The following BTBD2 variants were observed in gnomAD, a reference collection of about 807,000 sequenced individuals.
The protein encoded by BTBD2 is BTB/POZ domain-containing protein 2.
BTBD2 carries 15 observed loss-of-function variants against 44.0 expected under a neutral mutation model. The ratio of observed to expected loss-of-function variants is 0.34; its 90% CI spans 0.23 to 0.53. The LOEUF (loss-of-function observed/expected upper bound fraction) is 0.53. BTBD2 is among the 20% of genes least tolerant of loss of function. The pLI is 0.95. For missense variants in BTBD2, 657 were observed against 746.4 expected (o/e 0.88, Z 1.39); for synonymous variants, 443 against 335.9 (o/e 1.32, Z -3.49).
In BTBD2 at chr19:1,990,711, C is replaced by A; in HGVS notation, c.790+6G>T. On this transcript the variant is annotated splice_donor_region_variant and intron_variant, in intron 4 of 8. Transcript: ENST00000255608. ...GATTCCCACACCTGGGCTCCTGGGC[C>A]CTTACCCAGGTCAATGTCGGTGAAG... The A allele has an allele frequency of 6.3e-7, 1 of 1,592,372 alleles. No homozygotes were observed. The highest frequency in any genetic ancestry group is 1.7e-4 in the Middle Eastern group (1 of 5,782).
chr19:2,004,873 G>A (rs1341794788), intron 1 of BTBD2, among the ~76,000 whole-genome samples: 4 of 151,614 alleles, frequency 2.6e-5, no homozygotes, highest in Non-Finnish European at 5.9e-5. Context: ...CCAGGCTGGA[G>A]TGCAGTGGTG....
At chr19:1,992,341 C>G (rs898927432) in intron 3 of BTBD2, among the ~76,000 whole-genome samples, 9 of 152,026 alleles carry the variant, frequency 5.9e-5, no homozygotes, top group African/African-American at 1.9e-4. Flanking sequence ...CTCTGGTGAT[C>G]TGCCTGTCTC....
Position 1,990,137 on chromosome 19 carries a change from G to A in BTBD2, c.855C>T (p.Ala285=), listed in dbSNP as rs748892512. 1.0e-4 allele frequency: 161 copies of A among 1,612,052 alleles called. No individual in the cohort carries two copies. Among genetic ancestry groups the A allele is most frequent in the East Asian group, 1.6e-4 (7 of 44,858 alleles). The change falls in exon 5 of 9, where the codon GCC becomes GCT. Residue 285 remains alanine, a synonymous_variant. Transcript: ENST00000255608. ...ACTCGGCCTCGGACCAGCGGACAAC[G>A]GCATTGAACAGCCGCACCTCACGGA... The part of the protein sequence containing the change: ...LGIREVRLFN[A]VVRWSEAECQ...
intron 3 of BTBD2, chr19:1,991,164 G>A (rs1218180846): frequency 1.7e-5 from 4 of 229,018 alleles, no homozygotes; most frequent in Non-Finnish European, 2.6e-5. Context: ...CCAGGACCCC[G>A]AGTGGCAGGC....
rs776882173 is a variant in BTBD2 at position 1,986,957 on chromosome 19, T to C, written c.1289A>G (p.Asn430Ser). Residue 430 changes from asparagine to serine, a missense_variant, in exon 8 of 9, where the codon AAC (asparagine) becomes AGC (serine). Asn to Ser is a conservative substitution (Grantham distance 46, BLOSUM62 1). Around this residue, in one of 3 missense-constraint regions of BTBD2, gnomAD observed 449 missense variants for 510.9 expected, o/e 0.88. Transcript: ENST00000255608. ...CGTGTCGTTCTGGCCCAAGACGGTG[T>C]TGCTATCGGTGTGAATAATCTGCGG... ...VNIQIIHTDS[N>S]TVLGQNDTGF... The C allele has an allele frequency of 6.2e-7, 1 of 1,612,840 alleles. No homozygotes were observed.
intron 3 of BTBD2, among the ~76,000 whole-genome samples, chr19:1,991,487 A>G (rs61569812): frequency 5.5e-4 from 84 of 152,262 alleles, no homozygotes; most frequent in African/African-American, 2.0e-3. Context: ...GGCAGCCACA[A>G]GATGAAGCCC....
intron 1 of BTBD2, among the ~76,000 whole-genome samples, chr19:2,008,621 T>C (rs2016425022): frequency 7.7e-6 from 1 of 129,586 alleles, no homozygotes; most frequent in South Asian, 2.4e-4. Context: ...GGACAGAGTC[T>C]CACTCTATCG....
intron 6 of BTBD2, 99 bp downstream of exon 6, chr19:1,987,401 C>A (rs2016104707): frequency 3.0e-6 from 4 of 1,325,268 alleles, no homozygotes; most frequent in South Asian, 2.8e-5. Context: ...TCTTCATCAT[C>A]CCTGAGTTCT....
At chr19:2,006,184 G>C (rs561834470) in intron 1 of BTBD2, among the ~76,000 whole-genome samples, 2 of 152,032 alleles carry the variant, frequency 1.3e-5, no homozygotes, top group Non-Finnish European at 2.9e-5. Context: ...TCCAAATTCA[G>C]CTGAATTCAA....
chr19:2,005,013 G>C (rs898405043), intron 1 of BTBD2, among the ~76,000 whole-genome samples: 3 of 151,778 alleles, frequency 2.0e-5, no homozygotes, highest in East Asian at 3.9e-4. Context: ...GTAGAGACGG[G>C]GTTTCACCGT....
chr19:1,987,773 C>G (rs1599346243), intron 5 of BTBD2, 81 bp from the exon 6 acceptor site: 3 of 1,369,374 alleles, frequency 2.2e-6, no homozygotes, highest in Non-Finnish European at 9.8e-7. Flanking sequence ...CTCCTTCCCC[C>G]TAAGATGTCT....
intron 1 of BTBD2, chr19:2,013,427 G>T: frequency 1.2e-6 from 1 of 833,664 alleles, no homozygotes; most frequent in Non-Finnish European, 1.4e-6. Flanking sequence ...CCCGGAGCTG[G>T]GGGTCTCTGG....
chr19:1,998,379 C>T (rs1005065366), intron 1 of BTBD2, among the ~76,000 whole-genome samples: 4 of 152,176 alleles, frequency 2.6e-5, no homozygotes, highest in South Asian at 4.1e-4. Flanking sequence ...TCATCTGAGC[C>T]GCCACGTCCA....
chr19:1,989,760 C>T, intron 5 of BTBD2: 2 of 560,798 alleles, frequency 3.6e-6, no homozygotes, highest in South Asian at 4.2e-5. Flanking sequence ...AAGATGCCAC[C>T]AAAACAGCTG....
Position 1,986,224 on chromosome 19 carries a change from G to A in BTBD2, c.*264C>T, listed in dbSNP as rs948776477. 2.0e-6 allele frequency: 1 copy of A among 510,898 alleles called. No homozygotes were observed. The highest frequency in any genetic ancestry group is 3.3e-5 in the Admixed American group (1 of 29,950). 31.6% of individuals were successfully genotyped at this position (510,898 alleles called of 1,614,324 possible). A position where few individuals can be genotyped will look rare whatever the true frequency, so the allele number is the denominator to read the frequency against. The stretch of plus-strand genomic sequence containing the variant: ...GTGGGCCCTGGCCCAGGCCGGCACA[G>A]CCCTGTCCCTAGTCCTGAGGGATTG... On this transcript the variant is annotated 3_prime_UTR_variant, in exon 9 of 9. Coordinates refer to ENST00000255608, the MANE Select transcript of BTBD2 (RefSeq NM_017797.4).
Position 1,986,981 on chromosome 19 carries a change from GGGGAGGT to G in BTBD2, c.1270-12_1270-6del. On this transcript the variant is annotated splice_polypyrimidine_tract_variant and splice_region_variant and intron_variant, in intron 7 of 8. Transcript: ENST00000255608. ...GTTGCTATCGGTGTGAATAATCTGC[GGGGAGGT>G]GGGAAGTGGGAGGCTCAGGCCTGGG... 6 of 1,610,334 alleles carry G rather than the reference GGGGAGGT, an allele frequency of 3.7e-6. No individual in the cohort carries two copies. Among genetic ancestry groups the G allele is most frequent in the East Asian group, 2.2e-5 (1 of 44,814 alleles).
At chr19:2,001,419 G>A (rs140372251) in intron 1 of BTBD2, among the ~76,000 whole-genome samples, 1,846 of 152,268 alleles carry the variant, frequency 0.012, 37 homozygotes, top group African/African-American at 0.042. Context: ...TTGAACCCTG[G>A]AGGCGGAGGT....
At chr19:2,001,889 C>T (rs577297072) in intron 1 of BTBD2, among the ~76,000 whole-genome samples, 1 of 152,138 alleles carries the variant, frequency 6.6e-6, no homozygotes, top group African/African-American at 2.4e-5. Flanking sequence ...AAGCATAGCA[C>T]CACCATGCCT....
chr19:1,986,911 TGAGCCGTCGCAGCTGAA>T lies in BTBD2; in HGVS notation c.1318_1334del (p.Phe440SerfsTer216). On this transcript the variant is annotated frameshift_variant, in exon 8 of 9. Transcript: ENST00000255608. LOFTEE classifies it high-confidence loss of function. ...TGAACATGACGCGGAAGGTGCTGGC[TGAGCCGTCGCAGCTGAA>T]GCCCGTGTCGTTCTGGCCCAAGACG... 1 of 1,613,312 alleles carries T rather than the reference TGAGCCGTCGCAGCTGAA, an allele frequency of 6.2e-7. No individual in the cohort carries two copies. The highest frequency in any genetic ancestry group is 1.1e-5 in the South Asian group (1 of 91,076).
Sources: gnomAD v4.1 joint callset for allele counts (sites outside exome capture counted in the v4.1 genomes callset) on GRCh38, gnomAD v4.1.1 for gene constraint, gnomAD v4.1.1 regional missense constraint, MANE v1.5 for transcripts, NCBI Gene and HGNC (gene_info 2026-07-23, HGNC 2026-07-21) for gene names.